MACROD2: variants seen among roughly 807,000 people sequenced by gnomAD.
MACROD2 encodes ADP-ribose glycohydrolase MACROD2.
A neutral mutation model predicts 70.4 loss-of-function variants in MACROD2; 36 were observed. That is an observed-to-expected ratio of 0.51 (90% CI 0.39 to 0.68). MACROD2 has a LOEUF of 0.68. MACROD2 is among the 30% of genes least tolerant of loss of function. The pLI, the probability that MACROD2 is intolerant of heterozygous loss-of-function variation, is 0.00. For synonymous variants in MACROD2, 172 were observed against 178.8 expected, an observed-to-expected ratio of 0.96 and a Z score of 0.30; for missense variants, 496 against 538.4, an observed-to-expected ratio of 0.92 and a Z score of 0.78.
intron 8 of MACROD2, among the ~76,000 whole-genome samples, chr20:15,771,734 G>C (rs1455865040): frequency 3.3e-5 from 5 of 151,908 alleles, no homozygotes; most frequent in Non-Finnish European, 7.4e-5. Context: ...GCTTTGACTA[G>C]AAACCTCTCT....
At chr20:15,647,344 G>T (rs912276727) in intron 8 of MACROD2, among the ~76,000 whole-genome samples, 1 of 152,172 alleles carries the variant, frequency 6.6e-6, no homozygotes, top group Non-Finnish European at 1.5e-5. Context: ...AGGAAACAAA[G>T]ATGGTATGTA....
intron 5 of MACROD2, among the ~76,000 whole-genome samples, chr20:15,100,486 G>C (rs1333710373): frequency 6.6e-6 from 1 of 152,164 alleles, no homozygotes; most frequent in African/African-American, 2.4e-5. Context: ...CCGTACAACT[G>C]AAGTCCCTGT....
intron 3 of MACROD2, among the ~76,000 whole-genome samples, chr20:14,371,019 A>G (rs752582462): frequency 2.1e-4 from 32 of 152,184 alleles, no homozygotes; most frequent in Non-Finnish European, 3.8e-4. Flanking sequence ...ATTAAGTTTA[A>G]AAATTTGATT....
intron 5 of MACROD2, among the ~76,000 whole-genome samples, chr20:14,839,458 CT>C (rs1400565176): frequency 2.6e-5 from 4 of 152,114 alleles, no homozygotes; most frequent in Admixed American, 2.6e-4. Flanking sequence ...TTTGTAATGG[CT>C]GTTGGCCCAT....
intron 8 of MACROD2, among the ~76,000 whole-genome samples, chr20:15,777,599 T>TTCCC (rs1568555718): frequency 8.1e-6 from 1 of 123,704 alleles, no homozygotes; most frequent in Non-Finnish European, 1.7e-5. Flanking sequence ...CCTTCCTTCC[T>TTCCC]TCCCTCCCTC....
chr20:15,847,266 T>C (rs556107747), intron 8 of MACROD2, among the ~76,000 whole-genome samples: 173 of 152,276 alleles, frequency 1.1e-3, no homozygotes, highest in African/African-American at 2.6e-3. Flanking sequence ...TTAAGGTAGA[T>C]GGTTTAGAGT....
At chr20:15,139,285 CTT>C (rs1195993638) in intron 5 of MACROD2, among the ~76,000 whole-genome samples, 2 of 152,078 alleles carry the variant, frequency 1.3e-5, no homozygotes, top group Non-Finnish European at 2.9e-5. Context: ...TATAAATTGT[CTT>C]TTTGGGTGCC....
chr20:14,863,128 C>T (rs919708313), intron 5 of MACROD2, among the ~76,000 whole-genome samples: 1 of 152,050 alleles, frequency 6.6e-6, no homozygotes, highest in African/African-American at 2.4e-5. Flanking sequence ...CGGGTTCTTT[C>T]ACAGTTTCTT....
At chr20:14,589,373 C>A (rs1445627430) in intron 4 of MACROD2, among the ~76,000 whole-genome samples, 3 of 152,080 alleles carry the variant, frequency 2.0e-5, no homozygotes, top group African/African-American at 7.2e-5. Context: ...AATAAGTGAG[C>A]AATTTACTAT....
intron 6 of MACROD2, among the ~76,000 whole-genome samples, chr20:15,426,339 ATTTATT>A (rs1279144091): frequency 6.6e-6 from 1 of 151,910 alleles, no homozygotes; most frequent in Non-Finnish European, 1.5e-5. Context: ...CTTAAGTCAA[ATTTATT>A]TTTATTTTTA....
intron 8 of MACROD2, among the ~76,000 whole-genome samples, chr20:15,822,305 A>C (rs948773235): frequency 1.3e-5 from 2 of 152,200 alleles, no homozygotes; most frequent in Admixed American, 6.6e-5. Context: ...GTTTTACAAT[A>C]CTATATTAAT....
intron 3 of MACROD2, among the ~76,000 whole-genome samples, chr20:14,200,728 C>T (rs2081472552): frequency 6.6e-6 from 1 of 152,152 alleles, no homozygotes; most frequent in African/African-American, 2.4e-5. Context: ...AAATCATTGT[C>T]ATCTCTTGAT....
chr20:14,853,025 GC>G (rs1323127036), intron 5 of MACROD2, among the ~76,000 whole-genome samples: 1 of 151,902 alleles, frequency 6.6e-6, no homozygotes, highest in Admixed American at 6.6e-5. Flanking sequence ...TGGGTGAAGG[GC>G]CTGGTCATAG....
At chr20:14,300,921 C>T (rs1208266821) in intron 3 of MACROD2, among the ~76,000 whole-genome samples, 1 of 152,112 alleles carries the variant, frequency 6.6e-6, no homozygotes, top group Admixed American at 6.5e-5. Context: ...TCTACTTTTA[C>T]CTAAAGTTAG....
chr20:15,808,760 A>G (rs150082262), intron 8 of MACROD2, among the ~76,000 whole-genome samples: 4 of 152,292 alleles, frequency 2.6e-5, no homozygotes, highest in Admixed American at 2.6e-4. Context: ...CATTTCAGTA[A>G]TATATAATAA....
chr20:14,905,770 C>G (rs2073951528), intron 5 of MACROD2: 1 of 152,262 alleles, frequency 6.6e-6, no homozygotes, highest in Non-Finnish European at 1.5e-5. Context: ...GCCTGCTTTT[C>G]ATCCTCTGCA....
At position 14,807,292 on chromosome 20, in the gene MACROD2, A is replaced by G. The variant is rs183900887; in HGVS notation, c.418+122333A>G. ...TCTGCAGCCTCTGCTGGTAATATCCAGGCAAAGAAGGCCTGGAGTCTAACC... is the reference window on the plus strand; with the variant it reads ...TCTGCAGCCTCTGCTGGTAATATCCGGGCAAAGAAGGCCTGGAGTCTAACC... On this transcript the variant is annotated intron_variant, in intron 5 of 17. Coordinates refer to ENST00000684519, the MANE Select transcript of MACROD2 (RefSeq NM_001351661.2). 2.0e-4 allele frequency among the ~76,000 whole-genome samples: 30 copies of G among 152,210 alleles called. 1 individual carries two copies. In the East Asian group the frequency reaches 5.6e-3, roughly 28 times the overall value.
intron 4 of MACROD2, among the ~76,000 whole-genome samples, chr20:14,682,348 CCT>C (rs1267881796): frequency 4.0e-5 from 6 of 151,604 alleles, no homozygotes; most frequent in Non-Finnish European, 7.4e-5. Context: ...GTAATCTCAC[CCT>C]CTGTTTCCCA....
At chr20:15,491,453 AG>A (rs887763418) in intron 7 of MACROD2, among the ~76,000 whole-genome samples, 6 of 152,234 alleles carry the variant, frequency 3.9e-5, no homozygotes, top group African/African-American at 1.4e-4. Context: ...ATTTAAAGGC[AG>A]GGGTTTGTGT....
Sources: gnomAD v4.1 joint callset for allele counts (sites outside exome capture counted in the v4.1 genomes callset) on GRCh38, gnomAD v4.1.1 for gene constraint, MANE v1.5 for transcripts, NCBI Gene and HGNC (gene_info 2026-07-23, HGNC 2026-07-21) for gene names.